Variants in ZBTB10 observed in about 807,000 individuals in gnomAD.
ZBTB10 encodes the protein zinc finger and BTB domain containing 10.
ZBTB10 carries 32 observed loss-of-function variants against 76.4 expected under a neutral mutation model. The ratio of observed to expected loss-of-function variants is 0.42; its 90% CI spans 0.32 to 0.56. ZBTB10 has a LOEUF of 0.56. Ranked by LOEUF, ZBTB10 falls within the 20% of genes least tolerant of loss-of-function variation. The pLI, the probability that ZBTB10 is intolerant of heterozygous loss-of-function variation, is 0.14. For synonymous variants in ZBTB10, 523 were observed against 432.9 expected (o/e 1.21, Z -2.58); for missense variants, 1,057 against 1,098.5 (o/e 0.96, Z 0.53).
rs770381364 is a variant in ZBTB10 at position 80,524,035 on chromosome 8, A to G, written c.*4507A>G. ...AGAATCTTTATTCAAACCTAAAAAT[A>G]TAAACTTGTGAGCACTAAACTGCTT... On this transcript the variant is annotated 3_prime_UTR_variant, in exon 6 of 6. Transcript: ENST00000455036. 5.3e-5 allele frequency: 8 copies of G among 152,108 alleles called. No individual in the cohort carries two copies. The highest frequency in any genetic ancestry group is 1.2e-4 in the Non-Finnish European group (8 of 67,936). The allele number at this position is 152,108 out of a possible 1,614,324, so 9.4% of individuals were successfully genotyped here.
intron 1 of ZBTB10, among the ~76,000 whole-genome samples, chr8:80,495,630 C>G (rs1376032757): frequency 1.3e-5 from 2 of 152,096 alleles, no homozygotes; most frequent in Non-Finnish European, 2.9e-5. Flanking sequence ...GCAACTGAAT[C>G]ATTTTGCTTC....
chr8:80,514,998 A>T (rs1256917618), intron 3 of ZBTB10, among the ~76,000 whole-genome samples: 3 of 152,234 alleles, frequency 2.0e-5, no homozygotes, highest in Admixed American at 6.5e-5. Flanking sequence ...AGACCAAGGA[A>T]GTAAACTAAA....
Position 80,525,048 on chromosome 8 carries a change from G to C in ZBTB10, c.*5520G>C, listed in dbSNP as rs1816531925. The C allele has an allele frequency of 6.6e-6, 1 of 151,934 alleles. No homozygotes were observed. The highest frequency in any genetic ancestry group is 1.5e-5 in the Non-Finnish European group (1 of 67,934). The allele number at this position is 151,934 out of a possible 1,614,324, so 9.4% of individuals were successfully genotyped here. A position where few individuals can be genotyped will look rare whatever the true frequency, so the allele number is the denominator to read the frequency against. On this transcript the variant is annotated 3_prime_UTR_variant, in exon 6 of 6. Coordinates refer to ENST00000455036, the MANE Select transcript of ZBTB10 (RefSeq NM_001105539.3). ...ATAAGTACTGGACGAAGGATGTTTT[G>C]ACACTAAAAAGGACATAATTTAGGA...
intron 1 of ZBTB10, among the ~76,000 whole-genome samples, chr8:80,498,092 C>T (rs1189695871): frequency 1.3e-5 from 2 of 152,138 alleles, no homozygotes; most frequent in Non-Finnish European, 2.9e-5. Flanking sequence ...GTGACATGCA[C>T]CCAAGTAAAG....
At chr8:80,494,975 G>A (rs1261598991) in intron 1 of ZBTB10, among the ~76,000 whole-genome samples, 1 of 150,550 alleles carries the variant, frequency 6.6e-6, no homozygotes, top group East Asian at 1.9e-4. Flanking sequence ...CACAGTATCT[G>A]CAGTCTTCAT....
At chr8:80,488,074 AAGTG>A (rs1359225991) in intron 1 of ZBTB10, among the ~76,000 whole-genome samples, 2 of 152,200 alleles carry the variant, frequency 1.3e-5, no homozygotes, top group Non-Finnish European at 2.9e-5. Flanking sequence ...ATCAAAAAGA[AAGTG>A]AGGTTGAAGG....
At chr8:80,507,262 C>T (rs1003802965) in intron 2 of ZBTB10, among the ~76,000 whole-genome samples, 4 of 150,784 alleles carry the variant, frequency 2.7e-5, no homozygotes, top group Non-Finnish European at 4.4e-5. Flanking sequence ...GAGCCAAGAC[C>T]ATGCCACTGC....
At chr8:80,502,852 T>C (rs1563461491) in intron 2 of ZBTB10, among the ~76,000 whole-genome samples, 1 of 152,226 alleles carries the variant, frequency 6.6e-6, no homozygotes, top group Non-Finnish European at 1.5e-5. Context: ...GGTAGGTGTG[T>C]TCCAGTAAAA....
chr8:80,504,362 C>T (rs1815998651), intron 2 of ZBTB10, among the ~76,000 whole-genome samples: 1 of 152,088 alleles, frequency 6.6e-6, no homozygotes, highest in Admixed American at 6.5e-5. Flanking sequence ...CTGTGTCTTC[C>T]CTCAGGTCTT....
chr8:80,492,642 C>T (rs1351710723), intron 1 of ZBTB10, among the ~76,000 whole-genome samples: 5 of 151,892 alleles, frequency 3.3e-5, no homozygotes, highest in Non-Finnish European at 5.9e-5. Flanking sequence ...CCATGCTAGG[C>T]TAATTTTTGT....
intron 3 of ZBTB10, among the ~76,000 whole-genome samples, chr8:80,516,203 G>C (rs1008213849): frequency 1.1e-4 from 16 of 152,174 alleles, no homozygotes; most frequent in Admixed American, 3.3e-4. Context: ...TGACAGGCAC[G>C]AGCCACTGTG....
chr8:80,511,600 G>A (rs1407725590), intron 2 of ZBTB10, among the ~76,000 whole-genome samples: 1 of 152,124 alleles, frequency 6.6e-6, no homozygotes, highest in Non-Finnish European at 1.5e-5. Context: ...CCATTCTCCC[G>A]CCTCAGCCTC....
intron 2 of ZBTB10, among the ~76,000 whole-genome samples, chr8:80,504,860 G>A (rs1816011170): frequency 6.6e-6 from 1 of 152,212 alleles, no homozygotes; most frequent in African/African-American, 2.4e-5. Flanking sequence ...AATTACAGAA[G>A]TACAGATAAC....
At chr8:80,489,773 G>T (rs991955922) in intron 1 of ZBTB10, among the ~76,000 whole-genome samples, 3 of 152,028 alleles carry the variant, frequency 2.0e-5, no homozygotes, top group African/African-American at 7.3e-5. Flanking sequence ...TCCTTTCTTT[G>T]GGACATTCTA....
intron 5 of ZBTB10, 123 bp downstream of exon 5, chr8:80,519,077 G>GC: frequency 1.4e-6 from 2 of 1,412,816 alleles, no homozygotes; most frequent in Non-Finnish European, 1.9e-6. Context: ...GCTTTAAACA[G>GC]TTTGACTTTA....
chr8:80,486,672 A>T lies in ZBTB10; in HGVS notation c.-139A>T. ...AGCGCGAGCCGGGCTGCCGGGCGAG[A>T]GGGCGAGGCCGAGCCCCGCGAGACC... On this transcript the variant is annotated 5_prime_UTR_variant, in exon 1 of 6. Transcript: ENST00000455036. 5 of 871,176 alleles carry T rather than the reference A, an allele frequency of 5.7e-6. No individual in the cohort carries two copies. Among genetic ancestry groups the T allele is most frequent in the Non-Finnish European group, 6.9e-6 (5 of 727,942 alleles). The allele number at this position is 871,176 out of a possible 1,614,324, so 54.0% of individuals were successfully genotyped here.
chr8:80,485,956 C>A (rs1332187713), upstream of ZBTB10: 5 of 1,450,624 alleles, frequency 3.4e-6, no homozygotes, highest in Non-Finnish European at 4.6e-6. Context: ...TAGCCCGGCC[C>A]CGGCCGCACA....
At chr8:80,493,012 G>C (rs557813704) in intron 1 of ZBTB10, among the ~76,000 whole-genome samples, 8 of 151,306 alleles carry the variant, frequency 5.3e-5, no homozygotes, top group Non-Finnish European at 8.8e-5. Flanking sequence ...TCAGGACTTC[G>C]AGACCAGCCT....
chr8:80,487,905 T>G, intron 1 of ZBTB10, 123 bp downstream of exon 1: 1 of 1,176,390 alleles, frequency 8.5e-7, no homozygotes, highest in South Asian at 1.7e-5. Flanking sequence ...GAAGACATCG[T>G]TCCAGTTGAG....
Sources: gnomAD v4.1 joint callset for allele counts (sites outside exome capture counted in the v4.1 genomes callset) on GRCh38, gnomAD v4.1.1 for gene constraint, MANE v1.5 for transcripts, NCBI Gene and HGNC (gene_info 2026-07-23, HGNC 2026-07-21) for gene names.